Variants in HIF1A observed in about 807,000 individuals in gnomAD.
The protein encoded by HIF1A is hypoxia inducible factor 1 subunit alpha.
Under a neutral mutation model 92.7 loss-of-function variants are expected in HIF1A, and 24 were observed. That is an observed-to-expected ratio of 0.26 (90% CI 0.19 to 0.36). The LOEUF is 0.36. Ranked by LOEUF, HIF1A falls within the 10% of genes least tolerant of loss-of-function variation. The pLI is 1.00. For missense variants in HIF1A, 799 were observed against 998.5 expected (o/e 0.80, Z 2.69); for synonymous variants, 319 against 338.7 (o/e 0.94, Z 0.64).
intron 1 of HIF1A, among the ~76,000 whole-genome samples, chr14:61,716,707 C>G (rs890698001): frequency 6.6e-6 from 1 of 151,992 alleles, no homozygotes; most frequent in Non-Finnish European, 1.5e-5. Flanking sequence ...TATTCATGAA[C>G]TTTGTACACA....
intron 1 of HIF1A, among the ~76,000 whole-genome samples, chr14:61,708,150 G>A (rs1449904005): frequency 1.3e-5 from 2 of 152,056 alleles, no homozygotes; most frequent in Non-Finnish European, 2.9e-5. Flanking sequence ...TTTTTGATGG[G>A]GTTGTTTTTT....
chr14:61,696,509 A>G (rs1371332865), intron 1 of HIF1A, among the ~76,000 whole-genome samples: 1 of 152,168 alleles, frequency 6.6e-6, no homozygotes, highest in African/African-American at 2.4e-5. Flanking sequence ...GTTTCGTTTT[A>G]ATCGCCTTGA....
chr14:61,727,319 A>C, intron 5 of HIF1A, 134 bp from the exon 6 acceptor site: 1 of 653,078 alleles, frequency 1.5e-6, no homozygotes, highest in Non-Finnish European at 2.7e-6. Flanking sequence ...ATTTTCAAAA[A>C]CGTGATTAAT....
chr14:61,742,150 A>G (rs935791322), intron 12 of HIF1A, among the ~76,000 whole-genome samples: 3 of 152,230 alleles, frequency 2.0e-5, no homozygotes, highest in African/African-American at 4.8e-5. Flanking sequence ...ACATATGGAC[A>G]TGACCCAATT....
chr14:61,728,498 A>G (rs2044535293), intron 6 of HIF1A, among the ~76,000 whole-genome samples: 1 of 152,186 alleles, frequency 6.6e-6, no homozygotes, highest in Non-Finnish European at 1.5e-5. Flanking sequence ...GCCCCCAAAC[A>G]ACATCATCAT....
rs943378054 is a variant in HIF1A, at chr14:61,726,089, G to A, written c.458-617G>A. 2.0e-5 allele frequency among the ~76,000 whole-genome samples: 3 copies of A among 152,112 alleles called. No homozygotes were observed. The East Asian group carries it at 5.8e-4, about 29-fold the overall frequency. ...CTTGCCTCAGCCTCCCAAAGTGCTG[G>A]GATTACAGGCATGAGCCACCGTGCC... On this transcript the variant is annotated intron_variant, in intron 4 of 14. Transcript: ENST00000337138.
chr14:61,720,875 T>G (rs1024928209), intron 2 of HIF1A, among the ~76,000 whole-genome samples: 1 of 152,226 alleles, frequency 6.6e-6, no homozygotes, highest in African/African-American at 2.4e-5. Context: ...TTTAAAGCTT[T>G]AGTCAGGAAT....
intron 4 of HIF1A, among the ~76,000 whole-genome samples, chr14:61,724,480 C>T (rs1197529422): frequency 1.3e-5 from 2 of 151,124 alleles, no homozygotes; most frequent in East Asian, 2.0e-4. Flanking sequence ...AAATTCACTT[C>T]TTAATCTAAG....
At chr14:61,729,189 G>A (rs959140682) in intron 6 of HIF1A, among the ~76,000 whole-genome samples, 2 of 151,974 alleles carry the variant, frequency 1.3e-5, no homozygotes, top group African/African-American at 4.8e-5. Flanking sequence ...TGGCTGGGTG[G>A]GGTGGCTCAT....
intron 13 of HIF1A, 83 bp downstream of exon 13, chr14:61,744,896 TC>T: frequency 3.5e-6 from 2 of 573,248 alleles, no homozygotes; most frequent in Non-Finnish European, 6.2e-6. Flanking sequence ...TGTGTGTGTT[TC>T]CACGTTTCTT....
chr14:61,735,145 G>A (rs1167384794), intron 8 of HIF1A, among the ~76,000 whole-genome samples: 1 of 152,180 alleles, frequency 6.6e-6, no homozygotes, highest in Non-Finnish European at 1.5e-5. Flanking sequence ...GCTTTCTAGT[G>A]TGGATATGTC....
intron 1 of HIF1A, among the ~76,000 whole-genome samples, chr14:61,700,877 T>C (rs1185472094): frequency 6.6e-6 from 1 of 152,188 alleles, no homozygotes; most frequent in East Asian, 1.9e-4. Context: ...TATGTTGAAG[T>C]GATTGTTTTT....
intron 6 of HIF1A, among the ~76,000 whole-genome samples, chr14:61,731,416 T>C (rs1005081780): frequency 1.3e-5 from 2 of 152,248 alleles, no homozygotes; most frequent in South Asian, 4.1e-4. Context: ...AGGTCTACTC[T>C]CTGCCAGCGA....
intron 12 of HIF1A, among the ~76,000 whole-genome samples, chr14:61,741,503 T>C (rs533324819): frequency 6.6e-6 from 1 of 151,990 alleles, no homozygotes; most frequent in East Asian, 1.9e-4. Flanking sequence ...GTAGCTGGGA[T>C]TACAGGCATG....
chr14:61,742,794 A>C (rs1434683433), intron 12 of HIF1A, among the ~76,000 whole-genome samples: 1 of 141,346 alleles, frequency 7.1e-6, no homozygotes, highest in East Asian at 2.3e-4. Context: ...TTGAGGCAGG[A>C]GAATTGCTTG....
Position 61,744,699 on chromosome 14 carries a change from T to G in HIF1A, c.2094-6T>G. ...ATATTTTCATTTAGAATTTTTTTCT[T>G]TTCAGAACTACAGTTCCTGAGGAAG... On this transcript the variant is annotated splice_region_variant and splice_polypyrimidine_tract_variant and intron_variant, in intron 12 of 14. Transcript: ENST00000337138. 7.3e-7 allele frequency: 1 copy of G among 1,361,670 alleles called. No homozygotes were observed. Among genetic ancestry groups the G allele is most frequent in the South Asian group, 1.3e-5 (1 of 78,632 alleles). The allele number at this position is 1,361,670 out of a possible 1,614,324, so 84.3% of individuals were successfully genotyped here. A position where few individuals can be genotyped will look rare whatever the true frequency, so the allele number is the denominator to read the frequency against.
chr14:61,746,814 A>G, intron 14 of HIF1A, 120 bp from the exon 15 acceptor site: 1 of 701,708 alleles, frequency 1.4e-6, no homozygotes, highest in Non-Finnish European at 2.3e-6. Context: ...TTTGCCAGGT[A>G]AACTAAAAAC....
chr14:61,712,118 G>A (rs2044314833), intron 1 of HIF1A, among the ~76,000 whole-genome samples: 2 of 152,110 alleles, frequency 1.3e-5, no homozygotes, highest in South Asian at 4.1e-4. Context: ...AATACAGCAG[G>A]GCAAGAGGAC....
intron 14 of HIF1A, among the ~76,000 whole-genome samples, chr14:61,746,395 T>C (rs1387808672): frequency 1.7e-5 from 1 of 59,502 alleles, no homozygotes; most frequent in Non-Finnish European, 5.0e-5. Flanking sequence ...ATGACTTCTT[T>C]TTTTTTTTTT....
Sources: gnomAD v4.1 joint callset for allele counts (sites outside exome capture counted in the v4.1 genomes callset) on GRCh38, gnomAD v4.1.1 for gene constraint, MANE v1.5 for transcripts, NCBI Gene and HGNC (gene_info 2026-07-23, HGNC 2026-07-21) for gene names.